CYP2C19: variants seen among roughly 807,000 people sequenced by gnomAD.
The protein encoded by CYP2C19 is cytochrome P450 2C19.
Under a neutral mutation model 40.9 loss-of-function variants are expected in CYP2C19, and 59 were observed. The ratio of observed to expected loss-of-function variants is 1.44; its 90% CI spans 1.17 to 1.79. The LOEUF is 1.79. Ranked by LOEUF, CYP2C19 falls within the 40% of genes most tolerant of loss-of-function variation. CYP2C19 has a pLI of 0.00. For synonymous variants in CYP2C19, 253 were observed against 208.7 expected (o/e 1.21, Z -1.83); for missense variants, 754 against 596.9 (o/e 1.26, Z -2.74).
At chr10:94,772,734 C>T (rs929287368) in intron 1 of CYP2C19, among the ~76,000 whole-genome samples, 10 of 152,194 alleles carry the variant, frequency 6.6e-5, no homozygotes, top group African/African-American at 1.9e-4. Context: ...GAGCCCTTTC[C>T]CAGAAAGCCT....
intron 5 of CYP2C19, among the ~76,000 whole-genome samples, chr10:94,807,614 C>A (rs570990470): frequency 2.0e-5 from 3 of 152,124 alleles, no homozygotes; most frequent in African/African-American, 7.2e-5. Flanking sequence ...CTCATTGTGG[C>A]TTTGATTTGA....
chr10:94,798,814 A>ATTTTTTT (rs61240923), intron 5 of CYP2C19, among the ~76,000 whole-genome samples: 5 of 67,700 alleles, frequency 7.4e-5, no homozygotes, highest in East Asian at 4.4e-4. Context: ...GCAACCCCTG[A>ATTTTTTT]TTTTTTTTTT....
intron 1 of CYP2C19, among the ~76,000 whole-genome samples, chr10:94,766,254 T>A (rs532112777): frequency 5.9e-5 from 9 of 152,084 alleles, no homozygotes; most frequent in African/African-American, 2.2e-4. Flanking sequence ...AGTGGGTTAA[T>A]CTGAGAGTCT....
intron 5 of CYP2C19, among the ~76,000 whole-genome samples, chr10:94,818,753 T>A (rs1849057912): frequency 1.3e-5 from 2 of 149,706 alleles, no homozygotes; most frequent in African/African-American, 4.9e-5. Context: ...ATCCTGAGAC[T>A]TTGCTGAAGT....
At chr10:94,830,498 C>G (rs1175491728) in intron 6 of CYP2C19, among the ~76,000 whole-genome samples, 5 of 152,208 alleles carry the variant, frequency 3.3e-5, no homozygotes, top group Non-Finnish European at 7.3e-5. Flanking sequence ...GAGGCAATGC[C>G]TCGCCCTGCT....
chr10:94,786,838 A>T (rs1185555525), intron 5 of CYP2C19, among the ~76,000 whole-genome samples: 2 of 152,128 alleles, frequency 1.3e-5, no homozygotes, highest in Middle Eastern at 3.2e-3. Context: ...TGCTGCAAAG[A>T]CATGATTTTT....
intron 6 of CYP2C19, among the ~76,000 whole-genome samples, chr10:94,830,918 A>T (rs879728170): frequency 3.3e-5 from 5 of 152,084 alleles, no homozygotes; most frequent in Admixed American, 2.6e-4. Context: ...ATTCAATTAC[A>T]CTCTTTCAGT....
chr10:94,850,225 T>C (rs1314873763), intron 8 of CYP2C19, among the ~76,000 whole-genome samples, 167 bp downstream of exon 8: 1 of 152,164 alleles, frequency 6.6e-6, no homozygotes, highest in Non-Finnish European at 1.5e-5. Context: ...ATCCTCATTA[T>C]TCGGCCAGAT....
At chr10:94,816,250 T>C (rs1040494472) in intron 5 of CYP2C19, among the ~76,000 whole-genome samples, 4 of 151,566 alleles carry the variant, frequency 2.6e-5, no homozygotes, top group Non-Finnish European at 4.4e-5. Flanking sequence ...CTTTCTTTTT[T>C]TTTTTCTTTA....
chr10:94,775,246 C>T (rs1290862486), intron 2 of CYP2C19, 26 bp downstream of exon 2: 1 of 1,613,944 alleles, frequency 6.2e-7, no homozygotes. Flanking sequence ...CCTGTTTCAG[C>T]ATCTGTCTTG....
intron 6 of CYP2C19, among the ~76,000 whole-genome samples, chr10:94,832,548 C>A (rs997696637): frequency 6.6e-6 from 1 of 152,098 alleles, no homozygotes; most frequent in Non-Finnish European, 1.5e-5. Flanking sequence ...ATGTCAGCAC[C>A]TTTGTCAAGA....
chr10:94,768,651 G>A (rs1262362037), intron 1 of CYP2C19, among the ~76,000 whole-genome samples: 1 of 152,122 alleles, frequency 6.6e-6, no homozygotes, highest in Non-Finnish European at 1.5e-5. Context: ...TATTTTGATA[G>A]CCTCTGACAC....
chr10:94,817,695 G>A (rs1849029012), intron 5 of CYP2C19, among the ~76,000 whole-genome samples: 1 of 151,602 alleles, frequency 6.6e-6, no homozygotes, highest in African/African-American at 2.4e-5. Flanking sequence ...TTTTCTTCTA[G>A]GGTTTTTATG....
At chr10:94,815,229 G>A (rs1416693986) in intron 5 of CYP2C19, among the ~76,000 whole-genome samples, 1 of 151,856 alleles carries the variant, frequency 6.6e-6, no homozygotes, top group Admixed American at 6.6e-5. Context: ...AAAACTGTGT[G>A]AAGCTGATGT....
At chr10:94,833,876 C>G (rs1218945651) in intron 6 of CYP2C19, among the ~76,000 whole-genome samples, 1 of 152,034 alleles carries the variant, frequency 6.6e-6, no homozygotes, top group Non-Finnish European at 1.5e-5. Flanking sequence ...AATGATCTGT[C>G]TATTGTATTG....
intron 6 of CYP2C19, among the ~76,000 whole-genome samples, chr10:94,830,545 G>A (rs946627842): frequency 5.3e-5 from 8 of 152,052 alleles, no homozygotes; most frequent in South Asian, 2.1e-4. Context: ...ACTGACCTGC[G>A]CCCACTGTCT....
chr10:94,789,699 C>T (rs779079867), intron 5 of CYP2C19, among the ~76,000 whole-genome samples: 31 of 152,060 alleles, frequency 2.0e-4, no homozygotes, highest in Admixed American at 1.2e-3. Flanking sequence ...TTCCATTGAT[C>T]TATATATCCA....
At position 94,824,828 on chromosome 10, in the gene CYP2C19, C is replaced by T. The variant is rs942122306; in HGVS notation, c.961+4191C>T. ...CCCCTCCCCCCACCCCACATCAGTC[C>T]CCAGAGTGTGATATTCCCCTTCCTG... On this transcript the variant is annotated intron_variant, in intron 6 of 8. Transcript: ENST00000371321. Among the ~76,000 whole-genome samples the T allele has an allele frequency of 3.9e-5, 5 of 127,978 alleles. No individual in the cohort carries two copies. The Admixed American group carries it at 4.4e-4, about 11-fold the overall frequency. 84.0% of individuals were successfully genotyped at this position (127,978 alleles called of 152,430 possible).
rs553142212 is a variant in CYP2C19 at position 94,783,128 on chromosome 10, A to G, written c.819+1131A>G. Among the ~76,000 whole-genome samples the G allele has an allele frequency of 9.2e-5, 14 of 152,230 alleles. 1 individual carries two copies. In the South Asian group the frequency reaches 2.9e-3, roughly 32 times the overall value. On this transcript the variant is annotated intron_variant, in intron 5 of 8. Coordinates refer to ENST00000371321, the MANE Select transcript of CYP2C19 (RefSeq NM_000769.4). ...TATAATAATAATAACAATAACAAAA[A>G]TCTACCCAAGGGGAAACAAAATGCA...
Sources: allele counts gnomAD v4.1 joint callset (sites outside exome capture counted in the v4.1 genomes callset), GRCh38; gene constraint gnomAD v4.1.1; transcripts MANE v1.5; gene names NCBI Gene and HGNC (gene_info 2026-07-23, HGNC 2026-07-21).